The following SLC35F1 variants were observed in gnomAD, a reference collection of about 807,000 sequenced individuals.
The protein encoded by SLC35F1 is solute carrier family 35 member F1.
In SLC35F1, 14 loss-of-function variants were observed where a neutral mutation model predicts 48.7. The observed-to-expected ratio is 0.29, with a 90% CI of 0.19 to 0.45. The LOEUF (loss-of-function observed/expected upper bound fraction) is 0.45. SLC35F1 is among the 20% of genes least tolerant of loss of function. The pLI, the probability that SLC35F1 is intolerant of heterozygous loss-of-function variation, is 1.00. For synonymous variants in SLC35F1, 190 were observed against 202.2 expected (o/e 0.94, Z 0.51); for missense variants, 404 against 500.0 (o/e 0.81, Z 1.83).
chr6:118,235,368 A>C lies in SLC35F1; in HGVS notation c.350-141A>C, dbSNP rs1404118581. The C allele has an allele frequency of 3.5e-6, 3 of 858,402 alleles. No homozygotes were observed. The East Asian group carries it at 8.5e-5, about 24-fold the overall frequency. 53.2% of individuals were successfully genotyped at this position (858,402 alleles called of 1,614,324 possible). On this transcript the variant is annotated intron_variant, in intron 2 of 7. Coordinates refer to ENST00000360388, the MANE Select transcript of SLC35F1 (RefSeq NM_001029858.4). ...CTAAATAAAAACATGTGGGTATCTG[A>C]TACGTTGATTTATTTGTTTAAATAT...
intron 2 of SLC35F1, among the ~76,000 whole-genome samples, chr6:118,171,336 C>T (rs1195188710): frequency 6.6e-6 from 1 of 152,184 alleles, no homozygotes; most frequent in African/African-American, 2.4e-5. Flanking sequence ...CAGCCTGCAG[C>T]TTACTTTTTT....
chr6:118,107,820 G>A (rs554022009), intron 1 of SLC35F1, among the ~76,000 whole-genome samples: 11 of 152,154 alleles, frequency 7.2e-5, no homozygotes, highest in African/African-American at 2.4e-4. Context: ...TATGAATGGT[G>A]TTAGGGATCA....
intron 1 of SLC35F1, among the ~76,000 whole-genome samples, chr6:117,971,596 A>G (rs1776639420): frequency 6.6e-6 from 1 of 152,266 alleles, no homozygotes; most frequent in Non-Finnish European, 1.5e-5. Context: ...CTGCCTGGAC[A>G]TCCAGTCATT....
intron 1 of SLC35F1, among the ~76,000 whole-genome samples, chr6:117,923,572 CAT>C (rs1319831176): frequency 1.9e-4 from 17 of 90,366 alleles, no homozygotes; most frequent in African/African-American, 2.8e-4. Flanking sequence ...TATACAAATA[CAT>C]ATGTGTGTGT....
chr6:117,961,933 G>A (rs1004406480), intron 1 of SLC35F1, among the ~76,000 whole-genome samples: 1 of 152,180 alleles, frequency 6.6e-6, no homozygotes, highest in African/African-American at 2.4e-5. Flanking sequence ...GAGGAAGATG[G>A]TGGTAAGTTA....
chr6:118,117,380 A>G (rs1260896730), intron 1 of SLC35F1, among the ~76,000 whole-genome samples: 1 of 152,134 alleles, frequency 6.6e-6, no homozygotes, highest in African/African-American at 2.4e-5. Flanking sequence ...ACAAATGGAG[A>G]GGAAAAATAA....
At chr6:118,048,423 G>T (rs1772332290) in intron 1 of SLC35F1, among the ~76,000 whole-genome samples, 1 of 152,094 alleles carries the variant, frequency 6.6e-6, no homozygotes. Flanking sequence ...AAGTCAAATT[G>T]TCCCTGTTTG....
chr6:118,080,471 G>A (rs968594294), intron 1 of SLC35F1, among the ~76,000 whole-genome samples: 3 of 152,146 alleles, frequency 2.0e-5, no homozygotes, highest in African/African-American at 7.2e-5. Flanking sequence ...ACACATCATG[G>A]CTAAAGCTTT....
chr6:118,024,225 A>G (rs1292578247), intron 1 of SLC35F1, among the ~76,000 whole-genome samples: 5 of 152,200 alleles, frequency 3.3e-5, no homozygotes, highest in African/African-American at 1.2e-4. Context: ...AACCACTCCT[A>G]CGGCATCCCA....
At chr6:117,922,040 C>T (rs1775906351) in intron 1 of SLC35F1, among the ~76,000 whole-genome samples, 1 of 152,096 alleles carries the variant, frequency 6.6e-6, no homozygotes, top group African/African-American at 2.4e-5. Context: ...ATTTAAGATC[C>T]AAGGATTCTC....
chr6:118,009,290 T>C (rs1777215440), intron 1 of SLC35F1, among the ~76,000 whole-genome samples: 1 of 152,110 alleles, frequency 6.6e-6, no homozygotes. Context: ...TGGTACTCTT[T>C]AATTTTCCAA....
At chr6:118,172,869 A>G (rs1774427090) in intron 2 of SLC35F1, among the ~76,000 whole-genome samples, 1 of 152,164 alleles carries the variant, frequency 6.6e-6, no homozygotes, top group African/African-American at 2.4e-5. Context: ...AGTATATTTC[A>G]GGATGAATAA....
chr6:118,177,137 T>C (rs1774502177), intron 2 of SLC35F1, among the ~76,000 whole-genome samples: 1 of 152,124 alleles, frequency 6.6e-6, no homozygotes, highest in Non-Finnish European at 1.5e-5. Flanking sequence ...CACCAAAACC[T>C]TCCCATCTTT....
chr6:118,170,777 CAAGT>C (rs1774391597), intron 2 of SLC35F1, among the ~76,000 whole-genome samples: 1 of 151,966 alleles, frequency 6.6e-6, no homozygotes, highest in African/African-American at 2.4e-5. Context: ...TTAAATTACC[CAAGT>C]AAGACATGAA....
intron 3 of SLC35F1, among the ~76,000 whole-genome samples, chr6:118,255,314 A>G (rs1775628117): frequency 6.6e-6 from 1 of 152,214 alleles, no homozygotes; most frequent in African/African-American, 2.4e-5. Context: ...GGAGCCTGGC[A>G]TATAGTAGGC....
At chr6:118,161,097 G>A (rs1774224363) in intron 2 of SLC35F1, among the ~76,000 whole-genome samples, 1 of 151,872 alleles carries the variant, frequency 6.6e-6, no homozygotes, top group South Asian at 2.1e-4. Context: ...AGAAGAAATA[G>A]AGAATTTCAT....
chr6:117,976,668 T>A (rs1776709041), intron 1 of SLC35F1, among the ~76,000 whole-genome samples: 1 of 152,184 alleles, frequency 6.6e-6, no homozygotes, highest in African/African-American at 2.4e-5. Context: ...CTATTTTCCT[T>A]GCTATAATAA....
intron 2 of SLC35F1, among the ~76,000 whole-genome samples, chr6:118,173,085 A>G (rs80267200): frequency 0.017 from 2,654 of 152,216 alleles, 97 homozygotes; most frequent in African/African-American, 0.061. Flanking sequence ...CCCCACAAGC[A>G]TCCCATAGGT....
chr6:118,075,873 T>C (rs141315960), intron 1 of SLC35F1, among the ~76,000 whole-genome samples: 48 of 152,376 alleles, frequency 3.2e-4, no homozygotes, highest in Non-Finnish European at 6.3e-4. Context: ...GTTGTTCTTT[T>C]ACAATTTAAG....
Sources: gnomAD v4.1 joint callset for allele counts (sites outside exome capture counted in the v4.1 genomes callset) on GRCh38, gnomAD v4.1.1 for gene constraint, MANE v1.5 for transcripts, NCBI Gene and HGNC (gene_info 2026-07-23, HGNC 2026-07-21) for gene names.